Variants in PLXDC2 observed in about 807,000 individuals in gnomAD.
PLXDC2 encodes the protein plexin domain-containing protein 2.
PLXDC2 carries 40 observed loss-of-function variants against 68.9 expected under a neutral mutation model. The ratio of observed to expected loss-of-function variants is 0.58; its 90% CI spans 0.45 to 0.76. The LOEUF is 0.76. Among genes scored for constraint, PLXDC2 ranks in the 30% least tolerant of loss-of-function variants. The pLI is 0.00. For synonymous variants in PLXDC2, 243 were observed against 234.2 expected (o/e 1.04, Z -0.34); for missense variants, 644 against 661.9 (o/e 0.97, Z 0.30).
At chr10:19,982,766 G>A (rs1276157722) in intron 1 of PLXDC2, among the ~76,000 whole-genome samples, 2 of 151,908 alleles carry the variant, frequency 1.3e-5, no homozygotes, top group South Asian at 2.1e-4. Flanking sequence ...TAGTTTTGGT[G>A]GATACACAAT....
intron 1 of PLXDC2, among the ~76,000 whole-genome samples, chr10:19,866,887 G>A (rs1326202983): frequency 1.3e-5 from 2 of 152,154 alleles, no homozygotes; most frequent in Non-Finnish European, 2.9e-5. Context: ...TCATTGGTAA[G>A]TTTAGAGATT....
chr10:20,120,282 G>A (rs2131759327), intron 4 of PLXDC2, among the ~76,000 whole-genome samples: 1 of 152,282 alleles, frequency 6.6e-6, no homozygotes, highest in East Asian at 1.9e-4. Context: ...GTATCATTCT[G>A]AGGACAGGTC....
At chr10:20,075,323 G>T (rs1836420069) in intron 4 of PLXDC2, among the ~76,000 whole-genome samples, 1 of 152,038 alleles carries the variant, frequency 6.6e-6, no homozygotes, top group African/African-American at 2.4e-5. Flanking sequence ...CAAATAGCTG[G>T]GACTACAGGC....
chr10:20,273,665 A>G (rs1835968295), intron 13 of PLXDC2, among the ~76,000 whole-genome samples: 1 of 152,178 alleles, frequency 6.6e-6, no homozygotes, highest in African/African-American at 2.4e-5. Context: ...ATACCAAGAA[A>G]CATCTGAAAC....
chr10:20,204,303 T>C (rs906462504), intron 9 of PLXDC2, among the ~76,000 whole-genome samples: 1 of 152,180 alleles, frequency 6.6e-6, no homozygotes, highest in African/African-American at 2.4e-5. Flanking sequence ...TAAAGAAAAT[T>C]ATTTTCCCAT....
chr10:20,170,736 T>C (rs1405306107), intron 7 of PLXDC2, among the ~76,000 whole-genome samples: 1 of 152,128 alleles, frequency 6.6e-6, no homozygotes, highest in Non-Finnish European at 1.5e-5. Flanking sequence ...CTAGTGAGCC[T>C]GAGCAATTGA....
chr10:20,262,558 GCCAAC>G (rs1189657884), intron 13 of PLXDC2, among the ~76,000 whole-genome samples: 1 of 152,132 alleles, frequency 6.6e-6, no homozygotes, highest in Non-Finnish European at 1.5e-5. Context: ...GAGAGTCTGA[GCCAAC>G]CTGGGACAGA....
chr10:20,067,912 A>T (rs1836241488), intron 3 of PLXDC2, among the ~76,000 whole-genome samples: 1 of 152,220 alleles, frequency 6.6e-6, no homozygotes, highest in Admixed American at 6.5e-5. Flanking sequence ...GTTGCTCATC[A>T]TCAAGAATGA....
intron 1 of PLXDC2, among the ~76,000 whole-genome samples, chr10:19,892,986 G>A (rs955927426): frequency 6.6e-6 from 1 of 151,086 alleles, no homozygotes; most frequent in East Asian, 1.9e-4. Context: ...TTCACTCAAG[G>A]CAGTTCAATT....
chr10:20,171,639 T>C (rs1834447414), intron 7 of PLXDC2, among the ~76,000 whole-genome samples: 2 of 152,204 alleles, frequency 1.3e-5, no homozygotes, highest in Admixed American at 1.3e-4. Context: ...TTTCTGGGCA[T>C]AGAAATCACT....
intron 5 of PLXDC2, among the ~76,000 whole-genome samples, chr10:20,143,700 G>C (rs1834036568): frequency 6.6e-6 from 1 of 151,988 alleles, no homozygotes; most frequent in Non-Finnish European, 1.5e-5. Context: ...ATTTCAATAA[G>C]TCAGTTTTCC....
intron 4 of PLXDC2, among the ~76,000 whole-genome samples, chr10:20,111,029 T>C (rs1171280425): frequency 2.0e-5 from 3 of 152,146 alleles, no homozygotes; most frequent in Non-Finnish European, 1.5e-5. Flanking sequence ...ACAAAAATAG[T>C]GTCTTTACTT....
chr10:19,928,543 T>C (rs1031145222), intron 1 of PLXDC2, among the ~76,000 whole-genome samples: 6 of 152,280 alleles, frequency 3.9e-5, no homozygotes, highest in African/African-American at 1.4e-4. Flanking sequence ...AAGAGACCTA[T>C]ATCCTTTTAA....
intron 1 of PLXDC2, among the ~76,000 whole-genome samples, chr10:19,891,121 T>C (rs1239810260): frequency 6.6e-6 from 1 of 152,118 alleles, no homozygotes; most frequent in African/African-American, 2.4e-5. Flanking sequence ...TGTCCAGCGC[T>C]CCCACCCCTG....
chr10:20,267,923 T>C (rs2119375902), intron 13 of PLXDC2, among the ~76,000 whole-genome samples: 1 of 152,198 alleles, frequency 6.6e-6, no homozygotes, highest in East Asian at 1.9e-4. Flanking sequence ...ATTACCATGG[T>C]TATCAGCACT....
At chr10:19,931,578 C>T (rs1164079555) in intron 1 of PLXDC2, among the ~76,000 whole-genome samples, 1 of 152,138 alleles carries the variant, frequency 6.6e-6, no homozygotes, top group Non-Finnish European at 1.5e-5. Flanking sequence ...TAATGATCAC[C>T]GCCCCCTAGG....
At chr10:19,891,986 A>G (rs1235864376) in intron 1 of PLXDC2, among the ~76,000 whole-genome samples, 1 of 152,226 alleles carries the variant, frequency 6.6e-6, no homozygotes, top group Non-Finnish European at 1.5e-5. Flanking sequence ...TATAGAAAAA[A>G]GAACTTATGC....
intron 13 of PLXDC2, among the ~76,000 whole-genome samples, chr10:20,259,007 C>CAAAAAAAAAAAAAA (rs59615493): frequency 9.8e-6 from 1 of 102,136 alleles, no homozygotes. Flanking sequence ...TACTCCGTCT[C>CAAAAAAAAAAAAAA]AAAAAAAAAA....
At position 20,077,273 on chromosome 10, in the gene PLXDC2, A is replaced by G. The variant is rs866892383; in HGVS notation, c.541+9034A>G. ...ATTTCTATGTGACATTTTGCCTTTG[A>G]ACTGGGAAACAGATTTCTTTATGTG... On this transcript the variant is annotated intron_variant, in intron 4 of 13. Transcript: ENST00000377252. Among the ~76,000 whole-genome samples, 5 of 152,314 alleles carry G rather than the reference A, an allele frequency of 3.3e-5. No individual in the cohort carries two copies. The Middle Eastern group carries it at 0.01, about 311-fold the overall frequency.
Sources: gnomAD v4.1 joint callset for allele counts (sites outside exome capture counted in the v4.1 genomes callset) on GRCh38, gnomAD v4.1.1 for gene constraint, MANE v1.5 for transcripts, NCBI Gene and HGNC (gene_info 2026-07-23, HGNC 2026-07-21) for gene names.